Variants in CNNM2 observed in about 807,000 individuals in gnomAD.
The protein encoded by CNNM2 is cyclin and CBS domain divalent metal cation transport mediator 2.
A neutral mutation model predicts 66.9 loss-of-function variants in CNNM2; 12 were observed. The ratio of observed to expected loss-of-function variants is 0.18; its 90% CI spans 0.11 to 0.29. The LOEUF (loss-of-function observed/expected upper bound fraction) is 0.29. Among genes scored for constraint, CNNM2 ranks in the 10% least tolerant of loss-of-function variants. The pLI, the probability that CNNM2 is intolerant of heterozygous loss-of-function variation, is 1.00. For synonymous variants in CNNM2, 557 were observed against 501.8 expected (o/e 1.11, Z -1.47); for missense variants, 705 against 1,167.7 (o/e 0.60, Z 5.77).
At chr10:102,994,351 A>G (rs757283053) in intron 1 of CNNM2, among the ~76,000 whole-genome samples, 5 of 152,224 alleles carry the variant, frequency 3.3e-5, no homozygotes, top group Non-Finnish European at 5.9e-5. Flanking sequence ...ACACCAACAA[A>G]ATTGCCGGAA....
rs1247558433 is a variant in CNNM2 at position 103,089,740 on chromosome 10, C to T, written c.*12560C>T. 6.2e-7 allele frequency: 1 copy of T among 1,613,562 alleles called. No individual in the cohort carries two copies. Among genetic ancestry groups the T allele is most frequent in the Non-Finnish European group, 8.5e-7 (1 of 1,179,834 alleles). On this transcript the variant is annotated 3_prime_UTR_variant, in exon 8 of 8. Coordinates refer to ENST00000369878, the MANE Select transcript of CNNM2 (RefSeq NM_017649.5). ...TGGCAGTGTGTAATTTCCTGGGGGG[C>T]CAGTGGGAAGAGGTTGGGAGGTTTA...
intron 1 of CNNM2, among the ~76,000 whole-genome samples, chr10:103,017,895 T>TGGAG (rs1054173065): frequency 4.4e-5 from 6 of 135,498 alleles, no homozygotes; most frequent in Non-Finnish European, 9.3e-5. Context: ...GCCTGGGAGG[T>TGGAG]GGAGGTTGCA....
In CNNM2 at chr10:103,087,541, G is replaced by A. The variant is rs2065843242; in HGVS notation, c.*10361G>A. 6.6e-6 allele frequency: 1 copy of A among 151,992 alleles called. No individual in the cohort carries two copies. The highest frequency in any genetic ancestry group is 2.4e-5 in the African/African-American group (1 of 41,448). 9.4% of individuals were successfully genotyped at this position (151,992 alleles called of 1,614,324 possible). A position where few individuals can be genotyped will look rare whatever the true frequency, so the allele number is the denominator to read the frequency against. ...GCAATACAAAAAGTGGTAAATTAAA[G>A]CAAAGCAATCATGTGGTCCTTACTC... On this transcript the variant is annotated 3_prime_UTR_variant, in exon 8 of 8. Coordinates refer to ENST00000369878, the MANE Select transcript of CNNM2 (RefSeq NM_017649.5).
intron 1 of CNNM2, among the ~76,000 whole-genome samples, chr10:103,022,654 G>A (rs906202846): frequency 6.6e-6 from 1 of 152,136 alleles, no homozygotes. Flanking sequence ...GTCCTCTCCT[G>A]TCTTACCCTT....
chr10:102,978,588 C>T (rs2063672917), intron 1 of CNNM2, among the ~76,000 whole-genome samples: 1 of 152,114 alleles, frequency 6.6e-6, no homozygotes, highest in Admixed American at 6.6e-5. Context: ...ATCTTTGCCT[C>T]CTTATAATTA....
At chr10:103,071,180 CTT>C (rs1243959297) in intron 5 of CNNM2, among the ~76,000 whole-genome samples, 1 of 152,234 alleles carries the variant, frequency 6.6e-6, no homozygotes, top group Admixed American at 6.5e-5. Flanking sequence ...TGTTCTGAGA[CTT>C]TTCAATCTGA....
intron 1 of CNNM2, among the ~76,000 whole-genome samples, chr10:102,962,910 G>T (rs2063406368): frequency 6.6e-6 from 1 of 152,114 alleles, no homozygotes; most frequent in South Asian, 2.1e-4. Context: ...AAATGGCCAT[G>T]GTAGTTCACT....
At chr10:103,048,261 C>T (rs1417329005) in intron 1 of CNNM2, among the ~76,000 whole-genome samples, 1 of 133,642 alleles carries the variant, frequency 7.5e-6, no homozygotes, top group Non-Finnish European at 1.6e-5. Flanking sequence ...GTTGCCCAGG[C>T]CTGGAGTGCA....
chr10:103,054,247 A>AT lies in CNNM2; in HGVS notation c.1766-78dup. The AT allele has an allele frequency of 2.0e-6, 3 of 1,467,982 alleles. No homozygotes were observed. Among genetic ancestry groups the AT allele is most frequent in the Non-Finnish European group, 1.9e-6 (2 of 1,077,178 alleles). The allele number at this position is 1,467,982 out of a possible 1,614,324, so 90.9% of individuals were successfully genotyped here. A position where few individuals can be genotyped will look rare whatever the true frequency, so the allele number is the denominator to read the frequency against. ...AAATACAGTCCAGCTCTTCCAATAT[A>AT]TTTTGTCTTTTTCATTCAAAAAGAG... On this transcript the variant is annotated intron_variant, in intron 2 of 7. Coordinates refer to ENST00000369878, the MANE Select transcript of CNNM2 (RefSeq NM_017649.5). The surrounding 1 kb of genome is among the most constrained non-coding windows in gnomAD (Gnocchi z 5.2).
Position 102,947,780 on chromosome 10 carries a change from G to A in CNNM2, c.1621+27679G>A, listed in dbSNP as rs7101143. Among the ~76,000 whole-genome samples, 61,886 of 151,258 alleles carry A rather than the reference G, an allele frequency of 0.41. 12,845 individuals carry two copies. The highest frequency in any genetic ancestry group is 0.56 in the East Asian group (2,859 of 5,090). On this transcript the variant is annotated intron_variant, in intron 1 of 7. Coordinates refer to ENST00000369878, the MANE Select transcript of CNNM2 (RefSeq NM_017649.5). ...AAAAACAAACAAACAGGCCAGGCGC[G>A]GTGGCTCATGCCTGTAATCCTAGCA...
At chr10:103,034,972 C>CAAAAAAAAGAAAAAAA (rs2064905295) in intron 1 of CNNM2, among the ~76,000 whole-genome samples, 1 of 71,136 alleles carries the variant, frequency 1.4e-5, no homozygotes, top group Non-Finnish European at 2.7e-5. Context: ...GACTCCGTCT[C>CAAAAAAAAGAAAAAAA]AAAAAAAAAA....
At chr10:103,020,534 T>C (rs1050802491) in intron 1 of CNNM2, among the ~76,000 whole-genome samples, 12 of 152,222 alleles carry the variant, frequency 7.9e-5, no homozygotes, top group African/African-American at 2.9e-4. Context: ...ATAATTGTTT[T>C]AAGCTTTGGG....
intron 1 of CNNM2, among the ~76,000 whole-genome samples, chr10:102,973,427 A>G (rs1364559804): frequency 1.3e-5 from 2 of 152,088 alleles, no homozygotes; most frequent in African/African-American, 4.8e-5. Flanking sequence ...ACTACAGGCA[A>G]ATGCCACCAC....
intron 4 of CNNM2, 43 bp downstream of exon 4, chr10:103,057,007 C>A (rs771868340): frequency 1.3e-6 from 2 of 1,571,946 alleles, no homozygotes; most frequent in East Asian, 2.2e-5. Flanking sequence ...CACTGAGTAT[C>A]CATCTTTCAG....
rs1371133690 is a variant in CNNM2 at position 103,081,888 on chromosome 10, CCTT to C, written c.*4712_*4714del. The C allele has an allele frequency of 2.0e-5, 3 of 152,226 alleles. No individual in the cohort carries two copies. The highest frequency in any genetic ancestry group is 2.0e-4 in the Admixed American group (3 of 15,280). 9.4% of individuals were successfully genotyped at this position (152,226 alleles called of 1,614,324 possible). On this transcript the variant is annotated 3_prime_UTR_variant, in exon 8 of 8. Coordinates refer to ENST00000369878, the MANE Select transcript of CNNM2 (RefSeq NM_017649.5). ...TCCTCCCACCATCCTAGGCTGGGGACCTTCTTTGCTTCTCACACCACTGTGGTT... is the reference window on the plus strand; with the variant it reads ...TCCTCCCACCATCCTAGGCTGGGGACCTTTGCTTCTCACACCACTGTGGTT...
At chr10:102,963,194 A>G (rs1396130504) in intron 1 of CNNM2, among the ~76,000 whole-genome samples, 1 of 152,228 alleles carries the variant, frequency 6.6e-6, no homozygotes, top group African/African-American at 2.4e-5. Context: ...ATGAGTAAGT[A>G]AAATGGGAAG....
At position 103,089,024 on chromosome 10, in the gene CNNM2, AAAC is replaced by A; in HGVS notation, c.*11847_*11849del. On this transcript the variant is annotated 3_prime_UTR_variant, in exon 8 of 8. Coordinates refer to ENST00000369878, the MANE Select transcript of CNNM2 (RefSeq NM_017649.5). ...CAAATAAGCATTTGTGCTATTAAAC[AAAC>A]AAAAGGTAATAAGGATACTGTCTTT... The A allele has an allele frequency of 4.7e-6, 1 of 214,174 alleles. No individual in the cohort carries two copies. Among genetic ancestry groups the A allele is most frequent in the Non-Finnish European group, 9.4e-6 (1 of 106,034 alleles). 13.3% of individuals were successfully genotyped at this position (214,174 alleles called of 1,614,324 possible).
chr10:103,017,805 A>G (rs1444683942), intron 1 of CNNM2, among the ~76,000 whole-genome samples: 1 of 151,912 alleles, frequency 6.6e-6, no homozygotes, highest in East Asian at 1.9e-4. Flanking sequence ...GTCTCTACTA[A>G]ACATACAGAT....
chr10:103,056,756 T>G, intron 3 of CNNM2, 39 bp from the exon 4 acceptor site: 1 of 1,575,786 alleles, frequency 6.3e-7, no homozygotes, highest in Non-Finnish European at 8.7e-7. Flanking sequence ...TTTCTCTCTC[T>G]GTTTGAAATG....
Sources: allele counts gnomAD v4.1 joint callset (sites outside exome capture counted in the v4.1 genomes callset), GRCh38; gene constraint gnomAD v4.1.1; non-coding constraint Gnocchi (gnomAD v3.1); transcripts MANE v1.5; gene names NCBI Gene and HGNC (gene_info 2026-07-23, HGNC 2026-07-21).